Variants in CNBD1 observed in about 807,000 individuals in gnomAD.
CNBD1 encodes cyclic nucleotide-binding domain-containing protein 1.
Under a neutral mutation model 54.4 loss-of-function variants are expected in CNBD1, and 71 were observed. The ratio of observed to expected loss-of-function variants is 1.30; its 90% CI spans 1.08 to 1.59. CNBD1 has a LOEUF of 1.59. CNBD1 is among the 40% of genes most tolerant of loss of function. CNBD1 has a pLI of 0.00. For missense variants in CNBD1, 659 were observed against 518.0 expected, an observed-to-expected ratio of 1.27 and a Z score of -2.64; for synonymous variants, 182 against 170.7, an observed-to-expected ratio of 1.07 and a Z score of -0.51.
At chr8:86,957,285 TTA>T (rs1807802594) in intron 4 of CNBD1, among the ~76,000 whole-genome samples, 1 of 152,160 alleles carries the variant, frequency 6.6e-6, no homozygotes, top group African/African-American at 2.4e-5. Context: ...TGATCTAAAA[TTA>T]TGTTTTTTTT....
chr8:87,059,561 A>C (rs1810499271), intron 4 of CNBD1, among the ~76,000 whole-genome samples: 2 of 152,194 alleles, frequency 1.3e-5, no homozygotes, highest in African/African-American at 4.8e-5. Context: ...AAGCAAACAC[A>C]TCCTTCTTCA....
At position 87,113,818 on chromosome 8, in the gene CNBD1, C is replaced by A. The variant is rs1040055128; in HGVS notation, c.432-92175C>A. Among the ~76,000 whole-genome samples the A allele has an allele frequency of 3.8e-4, 58 of 151,822 alleles. No homozygotes were observed. In the Middle Eastern group the frequency reaches 0.01, roughly 27 times the overall value. On this transcript the variant is annotated intron_variant, in intron 4 of 10. Transcript: ENST00000518476. ...CCTGTAGTCCCAGCTACTCGGGAGG[C>A]TGAGGCAGGAGAATGGCGTGAACCT... is the stretch of plus-strand genomic sequence containing the variant.
At chr8:87,216,581 A>G (rs986411210) in intron 5 of CNBD1, among the ~76,000 whole-genome samples, 8 of 152,136 alleles carry the variant, frequency 5.3e-5, no homozygotes, top group East Asian at 1.9e-4. Flanking sequence ...TTTTACTACC[A>G]TTAATCCTTT....
At chr8:87,197,879 T>G (rs577539993) in intron 4 of CNBD1, among the ~76,000 whole-genome samples, 1 of 152,208 alleles carries the variant, frequency 6.6e-6, no homozygotes, top group Non-Finnish European at 1.5e-5. Flanking sequence ...CCCTTGTCAT[T>G]AGGTGCTTGA....
chr8:86,881,634 C>A, intron 1 of CNBD1, among the ~76,000 whole-genome samples: 1 of 152,164 alleles, frequency 6.6e-6, no homozygotes, highest in Non-Finnish European at 1.5e-5. Context: ...ATTAAACTGC[C>A]ATTCGCATTC....
At chr8:87,314,538 A>C (rs1809340451) in intron 8 of CNBD1, among the ~76,000 whole-genome samples, 1 of 151,980 alleles carries the variant, frequency 6.6e-6, no homozygotes, top group African/African-American at 2.4e-5. Flanking sequence ...CATTGCCATG[A>C]AAGTGATGAG....
intron 4 of CNBD1, among the ~76,000 whole-genome samples, chr8:87,155,698 G>T (rs1812699136): frequency 6.6e-6 from 1 of 152,204 alleles, no homozygotes; most frequent in Admixed American, 6.5e-5. Context: ...AGATGTCTAG[G>T]TGTTTGTTGT....
intron 2 of CNBD1, among the ~76,000 whole-genome samples, chr8:87,415,583 GT>G (rs1171048044): frequency 6.6e-6 from 1 of 151,986 alleles, no homozygotes; most frequent in African/African-American, 2.4e-5. Flanking sequence ...TGAATGACTA[GT>G]TGTTGCAATT....
intron 10 of CNBD1, among the ~76,000 whole-genome samples, chr8:87,381,905 A>T (rs1019379125): frequency 6.6e-6 from 1 of 151,994 alleles, no homozygotes; most frequent in East Asian, 1.9e-4. Flanking sequence ...CAAGATGAAT[A>T]AGTTCTATGG....
intron 3 of CNBD1, among the ~76,000 whole-genome samples, chr8:86,936,053 T>C (rs181648022): frequency 5.3e-4 from 80 of 152,208 alleles, no homozygotes; most frequent in African/African-American, 1.8e-3. Context: ...GGTGGGAGGA[T>C]TGCATGAGCT....
At position 87,020,336 on chromosome 8, in the gene CNBD1, A is replaced by G. The variant is rs146189863; in HGVS notation, c.431+80582A>G. 1.5e-4 allele frequency among the ~76,000 whole-genome samples: 23 copies of G among 152,146 alleles called. No homozygotes were observed. The East Asian group carries it at 3.5e-3, about 23-fold the overall frequency. Reference sequence around the variant, plus strand: ...ATTCAAATCACTAATATTTAAAACTATTACCACCAATCAGACTACATGGGA... The same window carrying G: ...ATTCAAATCACTAATATTTAAAACTGTTACCACCAATCAGACTACATGGGA... On this transcript the variant is annotated intron_variant, in intron 4 of 10. Coordinates refer to ENST00000518476, the MANE Select transcript of CNBD1 (RefSeq NM_173538.3).
chr8:87,160,000 G>A (rs181308128), intron 4 of CNBD1, among the ~76,000 whole-genome samples: 163 of 151,800 alleles, frequency 1.1e-3, no homozygotes, highest in African/African-American at 3.8e-3. Context: ...CCATTAGGAT[G>A]AAGCCTCATA....
Position 87,009,530 on chromosome 8 carries a change from G to A in CNBD1, c.431+69776G>A, listed in dbSNP as rs535549377. ...TTAGCCAGGATGGTCTCAATCTCCTGACCTCATGATCTGCCCACCTCAGCC... is the reference window on the plus strand; with the variant it reads ...TTAGCCAGGATGGTCTCAATCTCCTAACCTCATGATCTGCCCACCTCAGCC... On this transcript the variant is annotated intron_variant, in intron 4 of 10. Transcript: ENST00000518476. Among the ~76,000 whole-genome samples the A allele has an allele frequency of 3.9e-5, 6 of 152,148 alleles. 1 individual carries two copies. The East Asian group carries it at 7.7e-4, about 20-fold the overall frequency.
chr8:86,939,536 C>A (rs1809611905), intron 3 of CNBD1, 60 bp from the exon 4 acceptor site: 5 of 1,189,298 alleles, frequency 4.2e-6, no homozygotes, highest in Middle Eastern at 2.2e-4. Context: ...TAGTAAAAGT[C>A]CCTGTAAATA....
chr8:87,425,140 C>T (rs1586095529), intron 2 of CNBD1, among the ~76,000 whole-genome samples: 3 of 152,276 alleles, frequency 2.0e-5, no homozygotes, highest in Non-Finnish European at 2.9e-5. Flanking sequence ...GCATTCTTCA[C>T]GTAGTTCTCG....
chr8:87,308,993 G>C (rs572078585), intron 8 of CNBD1, among the ~76,000 whole-genome samples: 1 of 152,082 alleles, frequency 6.6e-6, no homozygotes, highest in South Asian at 2.1e-4. Flanking sequence ...TTCATTTCTT[G>C]ATGGACATTT....
chr8:86,871,911 T>A (rs1808448221), intron 1 of CNBD1, among the ~76,000 whole-genome samples: 2 of 152,222 alleles, frequency 1.3e-5, no homozygotes, highest in Non-Finnish European at 2.9e-5. Flanking sequence ...CCATCGTTTT[T>A]AATAAAAATT....
At position 87,166,193 on chromosome 8, in the gene CNBD1, GAGTA is replaced by G. The variant is rs1196157017; in HGVS notation, c.432-39796_432-39793del. Among the ~76,000 whole-genome samples the G allele has an allele frequency of 2.0e-5, 3 of 151,882 alleles. No homozygotes were observed. Among genetic ancestry groups the G allele is most frequent in the African/African-American group, 7.2e-5 (3 of 41,394 alleles). On this transcript the variant is annotated intron_variant, in intron 4 of 10. Transcript: ENST00000518476. This position sits in a 1 kb window ranked among gnomAD's most constrained non-coding sequence, Gnocchi z 4.3. ...AAATGAGACTAGGAATTATCCAGATGAGTAAGTGACAAACCTAAGCATCATACTT... is the reference window on the plus strand; with the variant it reads ...AAATGAGACTAGGAATTATCCAGATGAGTGACAAACCTAAGCATCATACTT...
intron 6 of CNBD1, among the ~76,000 whole-genome samples, chr8:87,258,445 A>T (rs1586369926): frequency 2.0e-5 from 3 of 151,006 alleles, no homozygotes; most frequent in African/African-American, 7.3e-5. Context: ...TCTTTTTAAG[A>T]TGGAGTCTCA....
Sources: gnomAD v4.1 joint callset for allele counts (sites outside exome capture counted in the v4.1 genomes callset) on GRCh38, gnomAD v4.1.1 for gene constraint, Gnocchi (gnomAD v3.1) non-coding constraint, MANE v1.5 for transcripts, NCBI Gene and HGNC (gene_info 2026-07-23, HGNC 2026-07-21) for gene names.